PAN3: variants seen among roughly 807,000 people sequenced by gnomAD.
PAN3 encodes the protein poly(A) specific ribonuclease subunit PAN3, also known as PAN2-PAN3 deadenylation complex subunit PAN3.
Under a neutral mutation model 96.2 loss-of-function variants are expected in PAN3, and 19 were observed. The ratio of observed to expected loss-of-function variants is 0.20; its 90% confidence interval spans 0.14 to 0.29. PAN3 has a LOEUF of 0.29. Among genes scored for constraint, PAN3 ranks in the 10% least tolerant of loss-of-function variants. PAN3 has a pLI of 1.00. For synonymous variants in PAN3, 433 were observed against 406.6 expected (o/e 1.06, Z -0.78); for missense variants, 882 against 1,108.1 (o/e 0.80, Z 2.90).
intron 6 of PAN3, among the ~76,000 whole-genome samples, chr13:28,229,539 T>C (rs898169059): frequency 6.6e-6 from 1 of 152,354 alleles, no homozygotes. Context: ...TTTCAAGTTA[T>C]GTGATTACTT....
intron 4 of PAN3, among the ~76,000 whole-genome samples, chr13:28,190,671 A>G (rs1219253190): frequency 6.6e-6 from 1 of 152,222 alleles, no homozygotes; most frequent in Admixed American, 6.5e-5. Context: ...TAATTGACTC[A>G]CAGTTACACA....
chr13:28,216,643 A>G (rs948706226), intron 5 of PAN3, among the ~76,000 whole-genome samples: 3 of 152,190 alleles, frequency 2.0e-5, no homozygotes, highest in African/African-American at 4.8e-5. Flanking sequence ...TGAGTTTACT[A>G]TGTGATTAAA....
At chr13:28,241,997 T>C (rs913449944) in intron 6 of PAN3, among the ~76,000 whole-genome samples, 1 of 152,004 alleles carries the variant, frequency 6.6e-6, no homozygotes, top group Non-Finnish European at 1.5e-5. Context: ...AGTTTGGTTA[T>C]TGGAACTTCA....
chr13:28,266,810 A>G lies in PAN3; in HGVS notation c.1507A>G (p.Ile503Val), dbSNP rs772536433. 1.2e-6 allele frequency: 2 copies of G among 1,611,774 alleles called. No individual in the cohort carries two copies. Among genetic ancestry groups the G allele is most frequent in the South Asian group, 1.1e-5 (1 of 90,738 alleles). ...ACAGAAATCAAGTAATTTTGGATAT[A>G]TTACATCTTGCTACAAAGCTGTAAA... ...RIQKSSNFGY[I>V]TSCYKAVNSK... The change falls in exon 10 of 19, where the codon ATT becomes GTT. Residue 503 changes from isoleucine (I) to valine (V), a missense_variant. Ile to Val is a conservative substitution (Grantham distance 29, BLOSUM62 3). Around this residue, in one of 3 missense-constraint regions of PAN3, gnomAD observed 364 missense variants for 513.6 expected, o/e 0.71. Transcript: ENST00000380958.
intron 4 of PAN3, among the ~76,000 whole-genome samples, chr13:28,188,286 T>G (rs149457494): frequency 2.8e-3 from 430 of 152,332 alleles, no homozygotes; most frequent in African/African-American, 9.7e-3. Flanking sequence ...CTAATGAGCT[T>G]CTTTCTGTTC....
At chr13:28,233,112 A>T (rs75885465) in intron 6 of PAN3, among the ~76,000 whole-genome samples, 1 of 152,128 alleles carries the variant, frequency 6.6e-6, no homozygotes, top group Admixed American at 6.5e-5. Context: ...ATGTATTGGT[A>T]TAGTTAGGAA....
intron 4 of PAN3, among the ~76,000 whole-genome samples, chr13:28,196,664 T>A (rs1051764290): frequency 1.6e-4 from 24 of 152,102 alleles, no homozygotes; most frequent in Non-Finnish European, 2.5e-4. Context: ...TAAAATTTTT[T>A]AAAAATCAAT....
Position 28,294,476 on chromosome 13 carries a change from T to C in PAN3, c.*1954T>C, listed in dbSNP as rs1357590109. 6.6e-6 allele frequency: 1 copy of C among 152,652 alleles called. No individual in the cohort carries two copies. Among genetic ancestry groups the C allele is most frequent in the Non-Finnish European group, 1.5e-5 (1 of 68,038 alleles). 9.5% of individuals were successfully genotyped at this position (152,652 alleles called of 1,614,324 possible). Reference sequence around the variant, plus strand: ...TTAATTTATAAGCGGGCTGGAGATTTTTTCCAATATTGTTTTCTTTGAAAA... The same window carrying C: ...TTAATTTATAAGCGGGCTGGAGATTCTTTCCAATATTGTTTTCTTTGAAAA... On this transcript the variant is annotated 3_prime_UTR_variant, in exon 19 of 19. Coordinates refer to ENST00000380958, the MANE Select transcript of PAN3 (RefSeq NM_175854.8).
Position 28,138,693 on chromosome 13 carries a change from C to T in PAN3, c.36C>T (p.Ala12=). The T allele has an allele frequency of 1.9e-6, 2 of 1,054,896 alleles. No individual in the cohort carries two copies. Among genetic ancestry groups the T allele is most frequent in the Non-Finnish European group, 2.5e-6 (2 of 802,336 alleles). 65.3% of individuals were successfully genotyped at this position (1,054,896 alleles called of 1,614,324 possible). Residue 12 remains alanine (A), a synonymous_variant, in exon 1 of 19, where the codon GCC becomes GCT. Coordinates refer to ENST00000380958, the MANE Select transcript of PAN3 (RefSeq NM_175854.8). ...GCGGCGGCCTCCCGCCCCCCTCGGC[C>T]GCCGCCTCCCCTTCCTCCTCCTCGC... ...NSGGGLPPPS[A]AASPSSSSLA...
rs539638080 is a variant in PAN3, at chr13:28,198,296, A to C, written c.852+950A>C. ...CAGAGCGAGATTCTGTCTCAAAAAA[A>C]AAAAAAGAGTCGTATAAAATTTATT... is the stretch of plus-strand genomic sequence containing the variant. On this transcript the variant is annotated intron_variant, in intron 5 of 18. Transcript: ENST00000380958. Among the ~76,000 whole-genome samples, 14 of 152,194 alleles carry C rather than the reference A, an allele frequency of 9.2e-5. No homozygotes were observed. The East Asian group carries it at 1.5e-3, about 17-fold the overall frequency.
At chr13:28,206,640 C>T (rs1879397227) in intron 5 of PAN3, among the ~76,000 whole-genome samples, 2 of 151,994 alleles carry the variant, frequency 1.3e-5, no homozygotes, top group South Asian at 2.1e-4. Context: ...ACAAAATCAA[C>T]GGCATTCCTC....
intron 1 of PAN3, among the ~76,000 whole-genome samples, chr13:28,142,436 G>A (rs973698442): frequency 2.0e-5 from 3 of 151,928 alleles, no homozygotes; most frequent in East Asian, 1.9e-4. Flanking sequence ...CAAAGTACTG[G>A]GATTATAGGT....
chr13:28,209,061 A>G (rs1175259982), intron 5 of PAN3, among the ~76,000 whole-genome samples: 2 of 152,260 alleles, frequency 1.3e-5, no homozygotes, highest in Non-Finnish European at 2.9e-5. Context: ...CCTCCAGAAT[A>G]GCTATTACAA....
intron 4 of PAN3, among the ~76,000 whole-genome samples, chr13:28,190,432 G>C (rs1403546411): frequency 2.6e-5 from 4 of 151,896 alleles, no homozygotes; most frequent in South Asian, 2.1e-4. Context: ...TGGCGGGGGT[G>C]GGGGTAGAGA....
chr13:28,161,976 A>G (rs1435400784), intron 1 of PAN3, among the ~76,000 whole-genome samples: 1 of 152,152 alleles, frequency 6.6e-6, no homozygotes, highest in African/African-American at 2.4e-5. Context: ...AAAGAGAAAA[A>G]CCTACATGGA....
At chr13:28,264,511 G>A (rs2138636892) in intron 9 of PAN3, among the ~76,000 whole-genome samples, 1 of 152,112 alleles carries the variant, frequency 6.6e-6, no homozygotes, top group South Asian at 2.1e-4. Context: ...TCCATCCTGG[G>A]AGACTCTGTC....
intron 5 of PAN3, among the ~76,000 whole-genome samples, chr13:28,213,356 G>A (rs551689559): frequency 6.6e-6 from 1 of 152,154 alleles, no homozygotes; most frequent in East Asian, 1.9e-4. Context: ...GGAGGATACT[G>A]AAAAACCACC....
chr13:28,240,978 G>A (rs940094859), intron 6 of PAN3, among the ~76,000 whole-genome samples: 2 of 151,984 alleles, frequency 1.3e-5, no homozygotes, highest in South Asian at 2.1e-4. Flanking sequence ...TTTCCTTTTC[G>A]GCCGGATGTG....
chr13:28,149,768 A>G (rs1314393746), intron 1 of PAN3, among the ~76,000 whole-genome samples: 2 of 152,072 alleles, frequency 1.3e-5, no homozygotes, highest in African/African-American at 4.8e-5. Context: ...GGGACAGGCA[A>G]CCACACCTGA....
Sources: allele counts gnomAD v4.1 joint callset (sites outside exome capture counted in the v4.1 genomes callset), GRCh38; gene constraint gnomAD v4.1.1; regional missense constraint gnomAD v4.1.1; transcripts MANE v1.5; gene names NCBI Gene and HGNC (gene_info 2026-07-23, HGNC 2026-07-21).